ACADL: variants seen among roughly 807,000 people sequenced by gnomAD.
ACADL encodes long-chain specific acyl-CoA dehydrogenase, mitochondrial.
Under a neutral mutation model 56.9 loss-of-function variants are expected in ACADL, and 60 were observed. That is an observed-to-expected ratio of 1.05 (90% confidence interval 0.86 to 1.31). ACADL has a LOEUF of 1.31. ACADL is among the 50% of genes most tolerant of loss of function. The pLI, the probability that ACADL is intolerant of heterozygous loss-of-function variation, is 0.00. For synonymous variants in ACADL, 158 were observed against 179.7 expected, an observed-to-expected ratio of 0.88 and a Z score of 0.97; for missense variants, 484 against 525.5, an observed-to-expected ratio of 0.92 and a Z score of 0.77.
Position 210,216,462 on chromosome 2 carries a change from C to T in ACADL, c.421G>A (p.Val141Ile). The T allele has an allele frequency of 6.2e-7, 1 of 1,609,900 alleles. No homozygotes were observed. Among genetic ancestry groups the T allele is most frequent in the South Asian group, 1.1e-5 (1 of 90,972 alleles). The change falls in exon 4 of 11, where the codon GTC becomes ATC. Residue 141 changes from valine (V) to isoleucine (I), a missense_variant. By Grantham distance (29) the Val-to-Ile change is conservative (BLOSUM62 3). Transcript: ENST00000233710. ...CCATGGTTTGTAATATAGGACATGA[C>T]AATACCTGAATGAATACTAAAACCT... ...GPGFSIHSGIVMSYITNHGSE... is the reference protein window; with the variant it reads ...GPGFSIHSGIIMSYITNHGSE...
chr2:210,218,115 A>C lies in ACADL; in HGVS notation c.234-13T>G. ...AGCTTTCTCCCATCTGCAAATAACA[A>C]ATATTTTAAATTCAGATAATTTTTA... On this transcript the variant is annotated splice_polypyrimidine_tract_variant and intron_variant, in intron 2 of 10. Transcript: ENST00000233710. The C allele has an allele frequency of 5.6e-6, 9 of 1,608,648 alleles. No homozygotes were observed. The highest frequency in any genetic ancestry group is 1.7e-5 in the Admixed American group (1 of 59,708).
intron 8 of ACADL, 124 bp downstream of exon 8, chr2:210,203,207 C>T (rs1290184259): frequency 2.8e-6 from 2 of 721,864 alleles, no homozygotes; most frequent in East Asian, 5.4e-5. Context: ...TTAGTGATCT[C>T]ATCCACTTCC....
At chr2:210,224,810 G>C in intron 1 of ACADL, 2 of 1,003,120 alleles carry the variant, frequency 2.0e-6, no homozygotes, top group South Asian at 4.6e-5. Context: ...CCGCGCTCCT[G>C]CAGCCGGGCC....
intron 8 of ACADL, among the ~76,000 whole-genome samples, chr2:210,197,467 G>A (rs1688728669): frequency 6.6e-6 from 1 of 151,876 alleles, no homozygotes; most frequent in South Asian, 2.1e-4. Context: ...ACACATTGAA[G>A]TTTACTCTTA....
intron 5 of ACADL, 51 bp downstream of exon 5, chr2:210,210,145 C>G: frequency 7.6e-7 from 1 of 1,318,224 alleles, no homozygotes; most frequent in Non-Finnish European, 1.1e-6. Context: ...GACATTGTTA[C>G]CCATGGCATG....
At chr2:210,219,113 G>A (rs544369080) in intron 2 of ACADL, among the ~76,000 whole-genome samples, 4 of 152,264 alleles carry the variant, frequency 2.6e-5, no homozygotes, top group Non-Finnish European at 5.9e-5. Context: ...GGATTATCAT[G>A]TGTGTTTTGA....
At chr2:210,202,220 G>C (rs1045410602) in intron 8 of ACADL, among the ~76,000 whole-genome samples, 11 of 152,094 alleles carry the variant, frequency 7.2e-5, no homozygotes, top group African/African-American at 2.4e-4. Context: ...AGCCTCCCGA[G>C]TAGCTGGGAT....
At position 210,214,421 on chromosome 2, in the gene ACADL, C is replaced by G. The variant is rs980857788; in HGVS notation, c.536+1926G>C. On this transcript the variant is annotated intron_variant, in intron 4 of 10. Transcript: ENST00000233710. ...GCTCTTTGCTCATCTCTCTAAATACCTGACTTATTTACTATATCCTCTCAT... is the reference window on the plus strand; with the variant it reads ...GCTCTTTGCTCATCTCTCTAAATACGTGACTTATTTACTATATCCTCTCAT... Among the ~76,000 whole-genome samples, 9 of 140,328 alleles carry G rather than the reference C, an allele frequency of 6.4e-5. No homozygotes were observed. In the Admixed American group the frequency reaches 6.9e-4, roughly 11 times the overall value. 92.1% of individuals were successfully genotyped at this position (140,328 alleles called of 152,430 possible).
Position 210,220,708 on chromosome 2 carries a change from C to G in ACADL, c.172G>C (p.Asp58His), listed in dbSNP as rs1277291370. The G allele has an allele frequency of 5.6e-6, 9 of 1,613,386 alleles. No individual in the cohort carries two copies. In the East Asian group the frequency reaches 2.0e-4, roughly 36 times the overall value. The change falls in exon 2 of 11, where the codon GAC becomes CAC. Residue 58 changes from aspartate (D) to histidine (H), a missense_variant. Asp to His is a moderately conservative substitution (Grantham distance 81). Coordinates refer to ENST00000233710, the MANE Select transcript of ACADL (RefSeq NM_001608.4). ...TTCCTTACACTTTTCCGGAAAATGT[C>G]ATGCTCTGGAGAAAAGATTCTTCGA... ...GIRRIFSPEH[D>H]IFRKSVRKFF...
Position 210,208,900 on chromosome 2 carries a change from G to A in ACADL, c.603+1296C>T, listed in dbSNP as rs144117914. ...TTTCTAATAGAGTTTTTGAAACAGA[G>A]TCAGTGGTACTTTTCCTGTGTGGTT... On this transcript the variant is annotated intron_variant, in intron 5 of 10. Coordinates refer to ENST00000233710, the MANE Select transcript of ACADL (RefSeq NM_001608.4). Among the ~76,000 whole-genome samples, 13 of 152,268 alleles carry A rather than the reference G, an allele frequency of 8.5e-5. 1 individual carries two copies. The East Asian group carries it at 2.5e-3, about 29-fold the overall frequency.
intron 10 of ACADL, among the ~76,000 whole-genome samples, chr2:210,189,550 T>C (rs1321677899): frequency 6.6e-6 from 1 of 152,184 alleles, no homozygotes; most frequent in Non-Finnish European, 1.5e-5. Flanking sequence ...AAATATTATT[T>C]CCCAGAAAGT....
At chr2:210,214,588 A>C (rs570923161) in intron 4 of ACADL, among the ~76,000 whole-genome samples, 1 of 152,332 alleles carries the variant, frequency 6.6e-6, no homozygotes, top group South Asian at 2.1e-4. Context: ...ATATACACTT[A>C]ACCACAGATA....
At chr2:210,210,086 A>G (rs1688952839) in intron 5 of ACADL, 110 bp downstream of exon 5, 2 of 860,586 alleles carry the variant, frequency 2.3e-6, no homozygotes, top group East Asian at 2.5e-5. Flanking sequence ...GATAAATTCA[A>G]TTCCTGCCTG....
At chr2:210,220,305 A>G (rs1485314716) in intron 2 of ACADL, among the ~76,000 whole-genome samples, 1 of 152,144 alleles carries the variant, frequency 6.6e-6, no homozygotes, top group Non-Finnish European at 1.5e-5. Flanking sequence ...CATTGTGCTG[A>G]CTTTTTGGGT....
At chr2:210,222,657 A>G (rs896253605) in intron 1 of ACADL, among the ~76,000 whole-genome samples, 3 of 152,206 alleles carry the variant, frequency 2.0e-5, no homozygotes, top group Admixed American at 6.5e-5. Flanking sequence ...AAGAACAACT[A>G]GAGCAAAGGC....
At chr2:210,220,575 A>G in intron 2 of ACADL, 72 bp downstream of exon 2, 2 of 1,397,076 alleles carry the variant, frequency 1.4e-6, no homozygotes, top group Non-Finnish European at 2.0e-6. Context: ...GTATAGCAAT[A>G]TATGGCATTC....
At chr2:210,217,728 A>C (rs543380982) in intron 3 of ACADL, 6 of 496,206 alleles carry the variant, frequency 1.2e-5, no homozygotes, top group African/African-American at 3.9e-5. Context: ...AAAAAAAACT[A>C]TCTCTTTAAT....
Position 210,225,374 on chromosome 2 carries a change from G to T in ACADL, c.-111C>A. The T allele has an allele frequency of 7.8e-7, 1 of 1,286,926 alleles. No homozygotes were observed. The highest frequency in any genetic ancestry group is 1.1e-6 in the Non-Finnish European group (1 of 950,444). 79.7% of individuals were successfully genotyped at this position (1,286,926 alleles called of 1,614,324 possible). A position where few individuals can be genotyped will look rare whatever the true frequency, so the allele number is the denominator to read the frequency against. On this transcript the variant is annotated 5_prime_UTR_variant, in exon 1 of 11. Coordinates refer to ENST00000233710, the MANE Select transcript of ACADL (RefSeq NM_001608.4). ...ATCAGCTGAGGCGTCCACCTGTGGT[G>T]TCCTCCCAAAAAAGCGCTCGCGCGC...
At chr2:210,204,332 C>T (rs1688849060) in intron 7 of ACADL, among the ~76,000 whole-genome samples, 1 of 152,208 alleles carries the variant, frequency 6.6e-6, no homozygotes, top group Non-Finnish European at 1.5e-5. Flanking sequence ...GAAGGAATCA[C>T]AGAACTGAAA....
Sources: gnomAD v4.1 joint callset for allele counts (sites outside exome capture counted in the v4.1 genomes callset) on GRCh38, gnomAD v4.1.1 for gene constraint, MANE v1.5 for transcripts, NCBI Gene and HGNC (gene_info 2026-07-23, HGNC 2026-07-21) for gene names.